Variants in FSTL5 observed in about 807,000 individuals in gnomAD.
FSTL5 encodes follistatin like 5, also known as follistatin-related protein 5.
FSTL5 carries 62 observed loss-of-function variants against 89.1 expected under a neutral mutation model. The ratio of observed to expected loss-of-function variants is 0.70; its 90% CI spans 0.57 to 0.86. FSTL5 has a LOEUF of 0.86. FSTL5 is among the 40% of genes least tolerant of loss of function. The pLI is 0.00. For missense variants in FSTL5, 1,057 were observed against 1,001.6 expected, an observed-to-expected ratio of 1.06 and a Z score of -0.75; for synonymous variants, 383 against 346.2, an observed-to-expected ratio of 1.11 and a Z score of -1.18.
At chr4:161,442,315 G>A (rs981933730) in intron 15 of FSTL5, among the ~76,000 whole-genome samples, 1 of 151,986 alleles carries the variant, frequency 6.6e-6, no homozygotes, top group African/African-American at 2.4e-5. Flanking sequence ...CATAGAGATA[G>A]ATGCCCAGAT....
At chr4:161,746,462 T>C (rs984944881) in intron 6 of FSTL5, among the ~76,000 whole-genome samples, 1 of 152,166 alleles carries the variant, frequency 6.6e-6, no homozygotes, top group Non-Finnish European at 1.5e-5. Flanking sequence ...GCCAGCTCTC[T>C]AAGCTGTAGT....
At chr4:161,628,607 T>G (rs1292983026) in intron 7 of FSTL5, among the ~76,000 whole-genome samples, 1 of 152,202 alleles carries the variant, frequency 6.6e-6, no homozygotes. Flanking sequence ...AAAAAGGACA[T>G]CTGAGATCAC....
At chr4:161,486,221 G>A (rs116244496) in intron 12 of FSTL5, among the ~76,000 whole-genome samples, 7,429 of 151,234 alleles carry the variant, frequency 0.049, 567 homozygotes, top group African/African-American at 0.17. Flanking sequence ...TAATTTATGT[G>A]AATAAAAACA....
intron 4 of FSTL5, among the ~76,000 whole-genome samples, chr4:161,868,425 CA>C (rs1325934269): frequency 6.6e-6 from 1 of 152,180 alleles, no homozygotes; most frequent in East Asian, 1.9e-4. Context: ...GGAACTAAGA[CA>C]ACTTTCAAGC....
chr4:161,697,771 T>A (rs1738222266), intron 6 of FSTL5, among the ~76,000 whole-genome samples: 1 of 152,204 alleles, frequency 6.6e-6, no homozygotes, highest in Non-Finnish European at 1.5e-5. Context: ...TACCACATGT[T>A]CTCACTCATA....
intron 10 of FSTL5, among the ~76,000 whole-genome samples, chr4:161,525,558 C>T (rs1392908620): frequency 6.6e-6 from 1 of 152,062 alleles, no homozygotes; most frequent in Non-Finnish European, 1.5e-5. Context: ...TGGTTCAATA[C>T]AAATACTCAA....
Position 161,656,824 on chromosome 4 carries a change from GA to G in FSTL5, c.728-331del, listed in dbSNP as rs1233252117. ...CGACATGTAGTGTGTCATCAGCATT[GA>G]AATAAAAATGATGCTGTTTATTCAC... On this transcript the variant is annotated intron_variant, in intron 6 of 15. Transcript: ENST00000306100. Among the ~76,000 whole-genome samples, 5 of 152,226 alleles carry G rather than the reference GA, an allele frequency of 3.3e-5. No homozygotes were observed. In the East Asian group the frequency reaches 9.6e-4, roughly 29 times the overall value.
Position 161,603,768 on chromosome 4 carries a change from A to ACGTCTCCGAGACAG in FSTL5, c.895-16194_895-16193insCTGTCTCGGAGACG, listed in dbSNP as rs1560974797. Reference sequence around the variant, plus strand: ...CGAGAGACAGAACGTCTCCGAGACAATAACCAAAGTAAAGGTGTCAACGTA... The same window carrying ACGTCTCCGAGACAG: ...CGAGAGACAGAACGTCTCCGAGACAACGTCTCCGAGACAGTAACCAAAGTAAAGGTGTCAACGTA... On this transcript the variant is annotated intron_variant, in intron 7 of 15. Transcript: ENST00000306100. Among the ~76,000 whole-genome samples, 7 of 152,188 alleles carry ACGTCTCCGAGACAG rather than the reference A, an allele frequency of 4.6e-5. No individual in the cohort carries two copies. In the East Asian group the frequency reaches 1.4e-3, roughly 29 times the overall value.
At position 161,943,381 on chromosome 4, in the gene FSTL5, C is replaced by A. The variant is rs1225359550; in HGVS notation, c.161-22729G>T. Among the ~76,000 whole-genome samples, 3 of 151,624 alleles carry A rather than the reference C, an allele frequency of 2.0e-5. No individual in the cohort carries two copies. In the South Asian group the frequency reaches 6.3e-4, roughly 32 times the overall value. On this transcript the variant is annotated intron_variant, in intron 3 of 15. Coordinates refer to ENST00000306100, the MANE Select transcript of FSTL5 (RefSeq NM_020116.5). Reference sequence around the variant, plus strand: ...GTTCTGGCTATTTTTGTAGTTTTAACATAATATGATTAATTATGAATTTGT... The same window carrying A: ...GTTCTGGCTATTTTTGTAGTTTTAAAATAATATGATTAATTATGAATTTGT...
intron 8 of FSTL5, among the ~76,000 whole-genome samples, chr4:161,566,099 A>AAT (rs1560956518): frequency 1.6e-4 from 4 of 24,648 alleles, no homozygotes; most frequent in African/African-American, 3.9e-4. Context: ...TTTTTTTTGG[A>AAT]CTATATATAT....
intron 6 of FSTL5, among the ~76,000 whole-genome samples, chr4:161,722,839 C>T (rs1281793930): frequency 6.6e-6 from 1 of 152,034 alleles, no homozygotes; most frequent in Non-Finnish European, 1.5e-5. Context: ...CATGATAATA[C>T]TTTTGGGCCA....
At chr4:161,716,583 C>A (rs368652420) in intron 6 of FSTL5, among the ~76,000 whole-genome samples, 1 of 151,848 alleles carries the variant, frequency 6.6e-6, no homozygotes, top group Non-Finnish European at 1.5e-5. Context: ...GGCAACAGAG[C>A]GAAACCCTGT....
chr4:161,716,519 C>T (rs1340664971), intron 6 of FSTL5, among the ~76,000 whole-genome samples: 1 of 151,994 alleles, frequency 6.6e-6, no homozygotes, highest in East Asian at 1.9e-4. Context: ...ATCGCTTGAA[C>T]CAAGGAGGCA....
intron 4 of FSTL5, among the ~76,000 whole-genome samples, chr4:161,889,672 T>C (rs1182141670): frequency 6.6e-6 from 1 of 152,176 alleles, no homozygotes; most frequent in Admixed American, 6.6e-5. Flanking sequence ...CGAATTATTA[T>C]AACTTTATTG....
intron 3 of FSTL5, among the ~76,000 whole-genome samples, chr4:161,998,905 G>A (rs1193201579): frequency 1.3e-5 from 2 of 150,366 alleles, no homozygotes; most frequent in Non-Finnish European, 3.0e-5. Flanking sequence ...AGTCAGGTTG[G>A]AATTTGGTAT....
chr4:162,060,441 A>T (rs936934052), intron 2 of FSTL5, among the ~76,000 whole-genome samples: 2 of 152,082 alleles, frequency 1.3e-5, no homozygotes, highest in Non-Finnish European at 2.9e-5. Flanking sequence ...GAATAAAGTT[A>T]GTTTAATAAT....
chr4:161,731,382 G>A (rs148362656), intron 6 of FSTL5, among the ~76,000 whole-genome samples: 86 of 152,182 alleles, frequency 5.7e-4, no homozygotes, highest in African/African-American at 2.0e-3. Flanking sequence ...CCTAATGGGA[G>A]GTGATTGGAC....
intron 2 of FSTL5, among the ~76,000 whole-genome samples, chr4:162,067,880 T>C (rs919721470): frequency 2.6e-5 from 4 of 151,824 alleles, no homozygotes; most frequent in African/African-American, 9.7e-5. Context: ...TGTGGGAAAA[T>C]TGCAAGCATT....
chr4:161,790,741 C>T (rs1729444100), intron 4 of FSTL5, among the ~76,000 whole-genome samples: 1 of 152,196 alleles, frequency 6.6e-6, no homozygotes, highest in African/African-American at 2.4e-5. Context: ...AAACCAGAGA[C>T]ACAGTTTAAA....
Sources: gnomAD v4.1 joint callset for allele counts (sites outside exome capture counted in the v4.1 genomes callset) on GRCh38, gnomAD v4.1.1 for gene constraint, MANE v1.5 for transcripts, NCBI Gene and HGNC (gene_info 2026-07-23, HGNC 2026-07-21) for gene names.